Variants in ITPR1 observed in about 807,000 individuals in gnomAD.
ITPR1 encodes inositol 1,4,5-trisphosphate receptor type 1.
In ITPR1, 96 loss-of-function variants were observed where a neutral mutation model predicts 318.4. The ratio of observed to expected loss-of-function variants is 0.30; its 90% CI spans 0.26 to 0.36. The LOEUF (loss-of-function observed/expected upper bound fraction) is 0.36. ITPR1 is among the 10% of genes least tolerant of loss of function. The pLI, the probability that ITPR1 is intolerant of heterozygous loss-of-function variation, is 1.00. For synonymous variants in ITPR1, 1,312 were observed against 1,289.9 expected, an observed-to-expected ratio of 1.02 and a Z score of -0.37; for missense variants, 2,440 against 3,460.2, an observed-to-expected ratio of 0.71 and a Z score of 7.40.
intron 22 of ITPR1, 137 bp from the exon 23 acceptor site, chr3:4,674,931 G>A: frequency 5.4e-6 from 3 of 552,622 alleles, no homozygotes; most frequent in East Asian, 3.2e-5. Context: ...TTATCAGAAA[G>A]TGCAAGGAAA....
At chr3:4,593,416 A>G (rs2090546029) in intron 4 of ITPR1, among the ~76,000 whole-genome samples, 1 of 152,246 alleles carries the variant, frequency 6.6e-6, no homozygotes, top group Admixed American at 6.5e-5. Flanking sequence ...TGAGACCTCA[A>G]GAAGGCGAGA....
intron 4 of ITPR1, among the ~76,000 whole-genome samples, chr3:4,546,012 C>G (rs945799600): frequency 6.6e-6 from 1 of 152,074 alleles, no homozygotes; most frequent in Non-Finnish European, 1.5e-5. Context: ...TTTAATTTTT[C>G]TATGTCTTAA....
At chr3:4,518,125 C>G (rs914746492) in intron 3 of ITPR1, among the ~76,000 whole-genome samples, 1 of 152,184 alleles carries the variant, frequency 6.6e-6, no homozygotes, top group African/African-American at 2.4e-5. Context: ...AGGCCAGCTT[C>G]TCTCTTTCCA....
At chr3:4,538,446 T>C (rs972018049) in intron 4 of ITPR1, among the ~76,000 whole-genome samples, 1 of 152,100 alleles carries the variant, frequency 6.6e-6, no homozygotes, top group Non-Finnish European at 1.5e-5. Context: ...ACACTGTTGG[T>C]GGGAATGTAA....
intron 4 of ITPR1, among the ~76,000 whole-genome samples, chr3:4,555,100 A>T (rs192500500): frequency 1.3e-5 from 2 of 152,280 alleles, no homozygotes; most frequent in East Asian, 1.9e-4. Flanking sequence ...CTAATAAAGG[A>T]TGAAGTGTTG....
chr3:4,839,651 G>C (rs1283698316), intron 61 of ITPR1, among the ~76,000 whole-genome samples: 1 of 152,160 alleles, frequency 6.6e-6, no homozygotes, highest in Admixed American at 6.5e-5. Flanking sequence ...TTTTATACAA[G>C]TGAGCATAGT....
chr3:4,741,438 G>A (rs2043694798), intron 44 of ITPR1, among the ~76,000 whole-genome samples: 1 of 152,116 alleles, frequency 6.6e-6, no homozygotes, highest in African/African-American at 2.4e-5. Flanking sequence ...TTTTCTGCAC[G>A]TAAGCAGCTA....
At chr3:4,802,853 A>G (rs1162082637) in intron 54 of ITPR1, among the ~76,000 whole-genome samples, 1 of 150,832 alleles carries the variant, frequency 6.6e-6, no homozygotes, top group Non-Finnish European at 1.5e-5. Flanking sequence ...AAGAAAGAGA[A>G]AGAAAGAAAG....
At position 4,575,047 on chromosome 3, in the gene ITPR1, G is replaced by C. The variant is rs189117486; in HGVS notation, c.164-52716G>C. On this transcript the variant is annotated intron_variant, in intron 4 of 61. Coordinates refer to ENST00000649015, the MANE Select transcript of ITPR1 (RefSeq NM_001378452.1). Reference sequence around the variant, plus strand: ...ATGGGTGTACGTTTATGAAAATTCAGGTTCTCTACTTATGATTTCTGTACT... The same window carrying C: ...ATGGGTGTACGTTTATGAAAATTCACGTTCTCTACTTATGATTTCTGTACT... Among the ~76,000 whole-genome samples, 147 of 152,280 alleles carry C rather than the reference G, an allele frequency of 9.7e-4. 6 individuals carry two copies. In the East Asian group the frequency reaches 0.019, roughly 19 times the overall value.
intron 55 of ITPR1, among the ~76,000 whole-genome samples, chr3:4,807,665 C>T (rs1462051415): frequency 2.6e-5 from 4 of 152,200 alleles, no homozygotes; most frequent in Admixed American, 2.6e-4. Flanking sequence ...TTTTGGCAGG[C>T]TAAAGGGAAT....
rs772307012 is a variant in ITPR1 at position 4,639,443 on chromosome 3, C to T, written c.339C>T (p.Thr113=). Residue 113 remains threonine (T), a synonymous_variant, in exon 6 of 62, where the codon ACC becomes ACT. Transcript: ENST00000649015. ...CAGAAAACAGGAAATTGCTGGGGAC[C>T]GTAATCCAGTATGGCAATGTGATCC... The part of the protein sequence containing the change: ...NETENRKLLG[T]VIQYGNVIQL... The T allele has an allele frequency of 3.0e-5, 47 of 1,581,818 alleles. No individual in the cohort carries two copies. The highest frequency in any genetic ancestry group is 2.6e-4 in the South Asian group (22 of 85,882).
At position 4,768,708 on chromosome 3, in the gene ITPR1, C is replaced by G; in HGVS notation, c.5923C>G (p.Gln1975Glu). 1 of 1,613,754 alleles carries G rather than the reference C, an allele frequency of 6.2e-7. No homozygotes were observed. Among genetic ancestry groups the G allele is most frequent in the South Asian group, 1.1e-5 (1 of 91,070 alleles). The change falls in exon 46 of 62, where the codon CAG becomes GAG. Residue 1975 changes from glutamine (Q) to glutamate (E), a missense_variant. By Grantham distance (29) the Gln-to-Glu change is conservative. Coordinates refer to ENST00000649015, the MANE Select transcript of ITPR1 (RefSeq NM_001378452.1). Reference sequence around the variant, plus strand: ...GATGAGCGCGGTCATCACCATCATGCAGCCCATCCTCCGCTTCCTTCAGCT... The same window carrying G: ...GATGAGCGCGGTCATCACCATCATGGAGCCCATCCTCCGCTTCCTTCAGCT... ...LEMSAVITIM[Q>E]PILRFLQLLC...
At chr3:4,672,777 C>G (rs2094113875) in intron 20 of ITPR1, among the ~76,000 whole-genome samples, 1 of 152,128 alleles carries the variant, frequency 6.6e-6, no homozygotes, top group Non-Finnish European at 1.5e-5. Context: ...TAAAACACAG[C>G]TGAAGGGAAA....
At chr3:4,620,680 GTT>G (rs66922925) in intron 4 of ITPR1, among the ~76,000 whole-genome samples, 2,382 of 128,100 alleles carry the variant, frequency 0.019, 41 homozygotes, top group African/African-American at 0.062. Context: ...TTCTTTGTGG[GTT>G]TTTTTTTTTT....
chr3:4,499,136 C>T (rs1344713599), intron 2 of ITPR1, among the ~76,000 whole-genome samples: 1 of 152,138 alleles, frequency 6.6e-6, no homozygotes, highest in African/African-American at 2.4e-5. Context: ...TGTACTCCAG[C>T]AAGACCCCAT....
chr3:4,814,394 C>G (rs749221831), intron 57 of ITPR1, 29 bp from the exon 58 acceptor site: 1 of 1,613,234 alleles, frequency 6.2e-7, no homozygotes, highest in Non-Finnish European at 8.5e-7. Context: ...CTCACGTTTT[C>G]TCTCTGTTGT....
At chr3:4,578,118 C>T (rs2088882232) in intron 4 of ITPR1, among the ~76,000 whole-genome samples, 1 of 152,242 alleles carries the variant, frequency 6.6e-6, no homozygotes, top group African/African-American at 2.4e-5. Context: ...GGATTACTTT[C>T]AGATTGCTAT....
At chr3:4,658,801 C>T (rs2093768952) in intron 13 of ITPR1, among the ~76,000 whole-genome samples, 1 of 151,750 alleles carries the variant, frequency 6.6e-6, no homozygotes, top group Admixed American at 6.6e-5. Context: ...TTTCAGGGGA[C>T]ATAACTGGAC....
At chr3:4,546,675 A>G (rs950649129) in intron 4 of ITPR1, among the ~76,000 whole-genome samples, 10 of 152,064 alleles carry the variant, frequency 6.6e-5, no homozygotes, top group African/African-American at 2.4e-4. Flanking sequence ...ATCTGTCTTA[A>G]GGATAGACAA....
Sources: gnomAD v4.1 joint callset for allele counts (sites outside exome capture counted in the v4.1 genomes callset) on GRCh38, gnomAD v4.1.1 for gene constraint, MANE v1.5 for transcripts, NCBI Gene and HGNC (gene_info 2026-07-23, HGNC 2026-07-21) for gene names.